The following B4GALT6 variants were observed in gnomAD, a reference collection of about 807,000 sequenced individuals.
B4GALT6 encodes the protein beta-1,4-galactosyltransferase 6, also known as UDP-Gal:beta-GlcNAc beta-1,4-galactosyltransferase 6.
A neutral mutation model predicts 46.3 loss-of-function variants in B4GALT6; 14 were observed. The observed-to-expected ratio is 0.30, with a 90% CI of 0.20 to 0.47. B4GALT6 has a LOEUF of 0.47. Among genes scored for constraint, B4GALT6 ranks in the 20% least tolerant of loss-of-function variants. B4GALT6 has a pLI of 0.99. For synonymous variants in B4GALT6, 168 were observed against 162.0 expected, an observed-to-expected ratio of 1.04 and a Z score of -0.28; for missense variants, 386 against 480.1, an observed-to-expected ratio of 0.80 and a Z score of 1.83.
chr18:31,668,706 A>G (rs1410805402), intron 1 of B4GALT6, among the ~76,000 whole-genome samples: 2 of 152,130 alleles, frequency 1.3e-5, no homozygotes, highest in African/African-American at 4.8e-5. Flanking sequence ...AAGTCATCTA[A>G]AAGTTGTAAT....
intron 3 of B4GALT6, among the ~76,000 whole-genome samples, 167 bp from the exon 4 acceptor site, chr18:31,645,646 T>C (rs2073983005): frequency 6.6e-6 from 1 of 152,220 alleles, no homozygotes; most frequent in Non-Finnish European, 1.5e-5. Flanking sequence ...CACTTTTAGT[T>C]TCAATGATAA....
intron 7 of B4GALT6, 69 bp from the exon 8 acceptor site, chr18:31,626,453 T>C: frequency 1.2e-6 from 1 of 857,492 alleles, no homozygotes. Flanking sequence ...GTGAGTTCAA[T>C]TTTAAAACAC....
At chr18:31,642,204 G>T (rs546881839) in intron 4 of B4GALT6, among the ~76,000 whole-genome samples, 1 of 152,062 alleles carries the variant, frequency 6.6e-6, no homozygotes, top group Non-Finnish European at 1.5e-5. Flanking sequence ...AGAGATGGGG[G>T]TCTCATTCTA....
chr18:31,656,987 T>G (rs983475007), intron 3 of B4GALT6, among the ~76,000 whole-genome samples: 1 of 152,200 alleles, frequency 6.6e-6, no homozygotes, highest in African/African-American at 2.4e-5. Context: ...CCATTTATCT[T>G]TCAGATTAGC....
At chr18:31,690,510 C>T (rs2030072211), upstream of B4GALT6, among the ~76,000 whole-genome samples, 1 of 151,638 alleles carries the variant, frequency 6.6e-6, no homozygotes, top group Non-Finnish European at 1.5e-5. Context: ...ACTCTTGTCG[C>T]ACAGGCTGGA....
At chr18:31,655,557 G>A (rs779515722) in intron 3 of B4GALT6, among the ~76,000 whole-genome samples, 6 of 152,282 alleles carry the variant, frequency 3.9e-5, no homozygotes, top group South Asian at 2.1e-4. Flanking sequence ...GCTGTGGGGC[G>A]GGAGGAGAGG....
upstream of B4GALT6, among the ~76,000 whole-genome samples, chr18:31,688,094 G>C (rs1281685362): frequency 6.6e-6 from 1 of 151,910 alleles, no homozygotes; most frequent in Non-Finnish European, 1.5e-5. Context: ...CTGTTTAAAT[G>C]CATAGTCTCA....
chr18:31,644,371 A>G (rs1244943592), intron 4 of B4GALT6, among the ~76,000 whole-genome samples: 1 of 152,054 alleles, frequency 6.6e-6, no homozygotes, highest in Non-Finnish European at 1.5e-5. Context: ...CGAAGAGTTC[A>G]TGGTAGATGA....
intron 2 of B4GALT6, chr18:31,658,418 G>GAATCC (rs1341148524): frequency 1.0e-5 from 2 of 198,186 alleles, no homozygotes; most frequent in East Asian, 2.2e-4. Context: ...GTACACCAGG[G>GAATCC]AATCCCCTCC....
Position 31,684,568 on chromosome 18 carries a change from C to G in B4GALT6, c.-142G>C, listed in dbSNP as rs2074520461. ...GCGGGGAGGCTCTGGGGAGAGGGCCCGAGCGGAAAAGAGGAAATGGGAGGG... is the reference window on the plus strand; with the variant it reads ...GCGGGGAGGCTCTGGGGAGAGGGCCGGAGCGGAAAAGAGGAAATGGGAGGG... On this transcript the variant is annotated 5_prime_UTR_variant, in exon 1 of 9. Coordinates refer to ENST00000306851, the MANE Select transcript of B4GALT6 (RefSeq NM_004775.5). 2.2e-6 allele frequency: 3 copies of G among 1,388,582 alleles called. No individual in the cohort carries two copies. The highest frequency in any genetic ancestry group is 1.5e-5 in the African/African-American group (1 of 67,962). The allele number at this position is 1,388,582 out of a possible 1,614,324, so 86.0% of individuals were successfully genotyped here.
At chr18:31,637,820 C>A (rs118105679) in intron 5 of B4GALT6, among the ~76,000 whole-genome samples, 6 of 152,144 alleles carry the variant, frequency 3.9e-5, no homozygotes, top group African/African-American at 1.4e-4. Flanking sequence ...GGTAACTGTA[C>A]GGTGCTTTGG....
At chr18:31,631,356 TCTGA>T (rs1457945843) in intron 5 of B4GALT6, among the ~76,000 whole-genome samples, 2 of 152,070 alleles carry the variant, frequency 1.3e-5, no homozygotes, top group African/African-American at 4.8e-5. Flanking sequence ...CCGGCCCCCA[TCTGA>T]CTTTTTTCTA....
At chr18:31,636,890 T>C (rs2073865741) in intron 5 of B4GALT6, among the ~76,000 whole-genome samples, 1 of 152,246 alleles carries the variant, frequency 6.6e-6, no homozygotes, top group Non-Finnish European at 1.5e-5. Context: ...GGCGCAATCT[T>C]GGCTCACTGC....
chr18:31,658,220 C>T (rs1398799021), intron 2 of B4GALT6, 131 bp from the exon 3 acceptor site: 2 of 647,330 alleles, frequency 3.1e-6, no homozygotes, highest in Non-Finnish European at 5.2e-6. Context: ...AATCAATTAT[C>T]TTTAAGGAAC....
the B4GALT6 span, chr18:31,724,269 C>G: frequency 2.6e-6 from 1 of 387,670 alleles, no homozygotes; most frequent in African/African-American, 2.2e-5. Flanking sequence ...TGTCTTGTCC[C>G]GGCTGCGTCT....
At chr18:31,693,891 C>A in the B4GALT6 span, among the ~76,000 whole-genome samples, 1 of 152,078 alleles carries the variant, frequency 6.6e-6, no homozygotes, top group South Asian at 2.1e-4. Context: ...TCACTTGAGC[C>A]TGGGAGGTTG....
At chr18:31,704,469 G>T in the B4GALT6 span, among the ~76,000 whole-genome samples, 1 of 152,218 alleles carries the variant, frequency 6.6e-6, no homozygotes, top group South Asian at 2.1e-4. Context: ...CTCCCAAAGT[G>T]CTGGGATTAC....
intron 8 of B4GALT6, among the ~76,000 whole-genome samples, 195 bp downstream of exon 8, chr18:31,626,088 T>G (rs2073692544): frequency 1.3e-5 from 2 of 152,236 alleles, no homozygotes; most frequent in Non-Finnish European, 2.9e-5. Flanking sequence ...TATTAATGTA[T>G]ATATACGTAT....
chr18:31,627,504 G>GA (rs2144484055), intron 6 of B4GALT6, among the ~76,000 whole-genome samples: 1 of 152,108 alleles, frequency 6.6e-6, no homozygotes, highest in East Asian at 1.9e-4. Context: ...TAGTAACACT[G>GA]AAAAAATTAA....
Sources: gnomAD v4.1 joint callset for allele counts (sites outside exome capture counted in the v4.1 genomes callset) on GRCh38, gnomAD v4.1.1 for gene constraint, MANE v1.5 for transcripts, NCBI Gene and HGNC (gene_info 2026-07-23, HGNC 2026-07-21) for gene names.